Variants in DRC9 observed in about 807,000 individuals in gnomAD.
The protein encoded by DRC9 is dynein regulatory complex protein 9.
At chr3:197,942,547 A>C in the DRC9 span, among the ~76,000 whole-genome samples, 1 of 151,968 alleles carries the variant, frequency 6.6e-6, no homozygotes, top group African/African-American at 2.4e-5. Flanking sequence ...CAAAAACAAA[A>C]CAAACAAAAT....
the DRC9 span, chr3:197,914,157 T>G: frequency 1.2e-6 from 1 of 864,436 alleles, no homozygotes; most frequent in Non-Finnish European, 1.9e-6. Flanking sequence ...CTGGAACTAT[T>G]TTTCCGCTGT....
chr3:197,957,322 CACTGGCAG>C, the DRC9 span: 1 of 152,322 alleles, frequency 6.6e-6, no homozygotes, highest in Non-Finnish European at 1.5e-5. Flanking sequence ...CCCTCTGTCA[CACTGGCAG>C]TTCTAAGAAA....
chr3:197,897,150 A>C, the DRC9 span, among the ~76,000 whole-genome samples: 4 of 152,094 alleles, frequency 2.6e-5, no homozygotes, highest in Non-Finnish European at 5.9e-5. Flanking sequence ...TAAAAAAAAA[A>C]CTATACAGTA....
the DRC9 span, chr3:197,951,377 G>C: frequency 1.6e-5 from 24 of 1,536,496 alleles, no homozygotes; most frequent in East Asian, 5.4e-4. Flanking sequence ...TTTATATAAC[G>C]GAGTCTTGCT....
chr3:197,922,630 C>T, the DRC9 span, among the ~76,000 whole-genome samples: 2 of 152,052 alleles, frequency 1.3e-5, no homozygotes, highest in East Asian at 1.9e-4. Context: ...CGCTTGAACT[C>T]GAGAGACGGA....
At chr3:197,903,772 A>G in the DRC9 span, among the ~76,000 whole-genome samples, 1 of 152,046 alleles carries the variant, frequency 6.6e-6, no homozygotes, top group Non-Finnish European at 1.5e-5. Flanking sequence ...GAATATATGA[A>G]GAGCTCAAAC....
At chr3:197,938,738 GT>G in the DRC9 span, 1 of 1,613,858 alleles carries the variant, frequency 6.2e-7, no homozygotes, top group East Asian at 2.2e-5. Context: ...GCCATTGGAA[GT>G]TTGTCTAGAT....
the DRC9 span, among the ~76,000 whole-genome samples, chr3:197,902,655 A>G: frequency 1.3e-5 from 2 of 152,004 alleles, no homozygotes; most frequent in African/African-American, 4.8e-5. Context: ...AGGCTATTTG[A>G]AAATACACAG....
the DRC9 span, chr3:197,955,709 A>G: frequency 5.2e-6 from 8 of 1,528,072 alleles, no homozygotes; most frequent in African/African-American, 2.7e-5. Flanking sequence ...AGACGTATAT[A>G]TAACATTCAC....
the DRC9 span, among the ~76,000 whole-genome samples, chr3:197,934,183 CTTT>C: frequency 1.0e-4 from 10 of 99,490 alleles, no homozygotes; most frequent in Admixed American, 2.1e-4. Context: ...CATTCTGGGT[CTTT>C]TTTTTTTTTT....
the DRC9 span, chr3:197,945,556 G>A: frequency 9.0e-7 from 1 of 1,116,556 alleles, no homozygotes. Flanking sequence ...GGTATACACA[G>A]AAATTTAACA....
At chr3:197,924,243 C>A in the DRC9 span, among the ~76,000 whole-genome samples, 2 of 151,366 alleles carry the variant, frequency 1.3e-5, no homozygotes, top group East Asian at 4.0e-4. Context: ...CCTGTAGTCC[C>A]AGCTACTCGG....
chr3:197,945,133 G>A, the DRC9 span, among the ~76,000 whole-genome samples: 66 of 152,306 alleles, frequency 4.3e-4, no homozygotes, highest in South Asian at 4.1e-4. Context: ...GAAGGTTACG[G>A]TGGGGATGAC....
At chr3:197,953,081 G>A in the DRC9 span, among the ~76,000 whole-genome samples, 2 of 152,236 alleles carry the variant, frequency 1.3e-5, no homozygotes, top group Admixed American at 6.5e-5. Flanking sequence ...TTACAGGCGT[G>A]AGCCATCGTG....
chr3:197,955,617 G>C, the DRC9 span: 5 of 797,108 alleles, frequency 6.3e-6, no homozygotes, highest in East Asian at 1.2e-4. Context: ...AGAGACTGAA[G>C]GCTATAAAAA....
At chr3:197,904,039 C>CATAT in the DRC9 span, among the ~76,000 whole-genome samples, 1 of 65,334 alleles carries the variant, frequency 1.5e-5, no homozygotes, top group Non-Finnish European at 2.5e-5. Flanking sequence ...TATATACATA[C>CATAT]ATATATATAC....
the DRC9 span, among the ~76,000 whole-genome samples, chr3:197,912,259 C>A: frequency 4.6e-5 from 7 of 152,016 alleles, no homozygotes; most frequent in South Asian, 1.2e-3. Flanking sequence ...AGGCTGGTCC[C>A]AAACTCCTGA....
chr3:197,916,288 T>TTGC, the DRC9 span: 1 of 157,592 alleles, frequency 6.3e-6, no homozygotes, highest in African/African-American at 2.4e-5. Flanking sequence ...GTTGTTGTTG[T>TTGC]TGTTGTTGTT....
the DRC9 span, chr3:197,943,795 T>C: frequency 1.2e-6 from 2 of 1,614,090 alleles, no homozygotes; most frequent in Non-Finnish European, 1.7e-6. Flanking sequence ...ATGCTCTGTC[T>C]CCCTTCGTAC....
Sources: gnomAD v4.1 joint callset for allele counts (sites outside exome capture counted in the v4.1 genomes callset) on GRCh38, gnomAD v4.1.1 for gene constraint, MANE v1.5 for transcripts, NCBI Gene and HGNC (gene_info 2026-07-23, HGNC 2026-07-21) for gene names.